Variants in SLFN11 observed in about 807,000 individuals in gnomAD.
SLFN11 encodes the protein schlafen family member 11.
In SLFN11, 43 loss-of-function variants were observed where a neutral mutation model predicts 53.4. The observed-to-expected ratio is 0.80, with a 90% CI of 0.63 to 1.04. SLFN11 has a LOEUF of 1.04. SLFN11 is among the 50% of genes least tolerant of loss of function. SLFN11 has a pLI of 0.00. For synonymous variants in SLFN11, 389 were observed against 394.7 expected (o/e 0.99, Z 0.17); for missense variants, 990 against 1,079.1 (o/e 0.92, Z 1.16).
Position 35,352,513 on chromosome 17 carries a change from A to G in SLFN11, c.2549T>C (p.Val850Ala). 1 of 1,614,192 alleles carries G rather than the reference A, an allele frequency of 6.2e-7. No homozygotes were observed. Among genetic ancestry groups the G allele is most frequent in the Non-Finnish European group, 8.5e-7 (1 of 1,180,042 alleles). The change falls in exon 7 of 7, where the codon GTG becomes GCG. Residue 850 changes from valine (V) to alanine (A), a missense_variant. By Grantham distance (64) the Val-to-Ala change is moderately conservative. Transcript: ENST00000685675. The part of the protein sequence containing the change: ...DACDMLGDHI[V>A]LDSVRRFSGL... Reference sequence around the variant, plus strand: ...TGAGAATCGCCGAACACTGTCCAACACAATGTGATCACCCAACATATCACA... The same window carrying G: ...TGAGAATCGCCGAACACTGTCCAACGCAATGTGATCACCCAACATATCACA...
chr17:35,353,067 G>T lies in SLFN11; in HGVS notation c.1995C>A (p.Ile665=), dbSNP rs776716390. The change falls in exon 7 of 7, where the codon ATC becomes ATA. Residue 665 remains isoleucine (I), a synonymous_variant. Coordinates refer to ENST00000685675, the MANE Select transcript of SLFN11 (RefSeq NM_001376007.1). ...GGAAATTCTGAGCTTCGTCAATGAC[G>T]ATGTGTTGAATGTGTTCAAAGTTTT... is the stretch of plus-strand genomic sequence containing the variant. ...LRENFEHIQH[I]VIDEAQNFRT... 2 of 1,614,042 alleles carry T rather than the reference G, an allele frequency of 1.2e-6. No individual in the cohort carries two copies. Among genetic ancestry groups the T allele is most frequent in the Non-Finnish European group, 1.7e-6 (2 of 1,180,050 alleles).
At chr17:35,369,989 G>A (rs1909447228) in intron 1 of SLFN11, among the ~76,000 whole-genome samples, 1 of 152,016 alleles carries the variant, frequency 6.6e-6, no homozygotes, top group Admixed American at 6.5e-5. Flanking sequence ...TAGAGAAGGA[G>A]GGAATACTTA....
At position 35,364,682 on chromosome 17, in the gene SLFN11, ACT is replaced by A. The variant is rs756769621; in HGVS notation, c.-19-858_-19-857del. On this transcript the variant is annotated intron_variant, in intron 3 of 6. Coordinates refer to ENST00000685675, the MANE Select transcript of SLFN11 (RefSeq NM_001376007.1). ...TTAACCTAGATATTTAATCTTTCTAACTCTGTTTTCTTACCTATAAAACATGG... is the reference window on the plus strand; with the variant it reads ...TTAACCTAGATATTTAATCTTTCTAACTGTTTTCTTACCTATAAAACATGG... 9.9e-5 allele frequency among the ~76,000 whole-genome samples: 15 copies of A among 152,084 alleles called. No individual in the cohort carries two copies. In the South Asian group the frequency reaches 1.2e-3, roughly 13 times the overall value.
rs1906802647 is a variant in SLFN11 at position 35,352,431 on chromosome 17, G to C, written c.2631C>G (p.Ile877Met). Residue 877 changes from isoleucine to methionine, a missense_variant, in exon 7 of 7, where the codon ATC becomes ATG. This residue lies in a region of SLFN11 where 313 missense variants were observed against 320.9 expected (regional missense o/e 0.98). Transcript: ENST00000685675. ...GIHPRTADPAILPNVLICLAS... is the reference protein window; with the variant it reads ...GIHPRTADPAMLPNVLICLAS... ...CCAGACAGATCAGAACATTGGGTAA[G>C]ATAGCTGGGTCAGCTGTCCTTGGAT... 6.2e-7 allele frequency: 1 copy of C among 1,614,240 alleles called. No homozygotes were observed. The highest frequency in any genetic ancestry group is 8.5e-7 in the Non-Finnish European group (1 of 1,180,048).
At chr17:35,360,650 C>G (rs1426634032) in intron 4 of SLFN11, among the ~76,000 whole-genome samples, 1 of 152,094 alleles carries the variant, frequency 6.6e-6, no homozygotes, top group Non-Finnish European at 1.5e-5. Context: ...TGTTTGCACA[C>G]CTGTTACGTT....
rs1014344087 is a variant in SLFN11, at chr17:35,353,316, C to T, written c.1922+20G>A. 4.2e-5 allele frequency: 67 copies of T among 1,613,754 alleles called. No individual in the cohort carries two copies. Among genetic ancestry groups the T allele is most frequent in the Non-Finnish European group, 5.2e-5 (61 of 1,179,940 alleles). On this transcript the variant is annotated intron_variant, in intron 6 of 6. Coordinates refer to ENST00000685675, the MANE Select transcript of SLFN11 (RefSeq NM_001376007.1). ...ACCCAGATTAAATAATACTTAGAGA[C>T]GTAAGATCCAACTGCTTACCTGATA...
intron 1 of SLFN11, among the ~76,000 whole-genome samples, chr17:35,371,386 T>C (rs1302621852): frequency 6.6e-6 from 1 of 152,026 alleles, no homozygotes; most frequent in African/African-American, 2.4e-5. Context: ...AAACATTGGG[T>C]AAGATCTCCA....
chr17:35,353,998 G>C lies in SLFN11; in HGVS notation c.1260C>G (p.His420Gln), dbSNP rs1907138171. The C allele has an allele frequency of 1.2e-6, 2 of 1,613,832 alleles. No individual in the cohort carries two copies. Among genetic ancestry groups the C allele is most frequent in the Non-Finnish European group, 1.7e-6 (2 of 1,179,974 alleles). Residue 420 changes from histidine to glutamine, a missense_variant, in exon 6 of 7, where the codon CAC (histidine) becomes CAG (glutamine). His to Gln is a conservative substitution (Grantham distance 24). Coordinates refer to ENST00000685675, the MANE Select transcript of SLFN11 (RefSeq NM_001376007.1). ...ESLWRDLISE[H>Q]RGLEELINKQ... is the part of the protein sequence containing the mutation. ...TATTTATTAACTCCTCTAGTCCTCT[G>C]TGCTCTGAGATCAGGTCCCTCCAGA...
At position 35,353,057 on chromosome 17, in the gene SLFN11, C is replaced by T. The variant is rs1321441845; in HGVS notation, c.2005G>A (p.Glu669Lys). The change falls in exon 7 of 7, where the codon GAA (glutamate) becomes AAA (lysine). Residue 669 changes from glutamate to lysine, a missense_variant. Around this residue, in one of 3 missense-constraint regions of SLFN11, gnomAD observed 313 missense variants for 320.9 expected, o/e 0.98. Transcript: ENST00000685675. ...FEHIQHIVID[E>K]AQNFRTEDGD... is the part of the protein sequence containing the mutation. ...TCTTCAGTACGGAAATTCTGAGCTT[C>T]GTCAATGACGATGTGTTGAATGTGT... The T allele has an allele frequency of 5.0e-6, 8 of 1,614,138 alleles. No individual in the cohort carries two copies. The highest frequency in any genetic ancestry group is 3.3e-5 in the Admixed American group (2 of 60,016).
Position 35,362,994 on chromosome 17 carries a change from T to G in SLFN11, c.814A>C (p.Arg272=). 6.2e-7 allele frequency: 1 copy of G among 1,614,056 alleles called. No homozygotes were observed. Among genetic ancestry groups the G allele is most frequent in the Non-Finnish European group, 8.5e-7 (1 of 1,179,986 alleles). The change falls in exon 4 of 7, where the codon AGG becomes CGG. Residue 272 remains arginine (R), a synonymous_variant. Coordinates refer to ENST00000685675, the MANE Select transcript of SLFN11 (RefSeq NM_001376007.1). ...TTGTATATGGCTTGTTCTATTTTCC[T>G]TCTCAAAGAGTCAGGGTCAACATTT... The part of the protein sequence containing the change: ...KENVDPDSLR[R]KIEQAIYKLP...
chr17:35,363,110 T>C lies in SLFN11; in HGVS notation c.698A>G (p.Glu233Gly). 3 of 1,613,860 alleles carry C rather than the reference T, an allele frequency of 1.9e-6. No individual in the cohort carries two copies. Among genetic ancestry groups the C allele is most frequent in the Non-Finnish European group, 2.5e-6 (3 of 1,179,926 alleles). Residue 233 changes from glutamate to glycine, a missense_variant, in exon 4 of 7, where the codon GAA becomes GGA. Glu to Gly is a moderately conservative substitution (Grantham distance 98). Transcript: ENST00000685675. ...AGTGTTTGCAAATGCAGGGACGTAT[T>C]CTGGAATTGTCCTTTTTACATATTC... The part of the protein sequence containing the change: ...FQEYVKRTIP[E>G]YVPAFANTGG...
rs1235367316 is a variant in SLFN11, at chr17:35,353,076, A to T, written c.1986T>A (p.Ile662=). The change falls in exon 7 of 7, where the codon ATT becomes ATA. Residue 662 remains isoleucine (I), a synonymous_variant. Transcript: ENST00000685675. ...GAGCTTCGTCAATGACGATGTGTTG[A>T]ATGTGTTCAAAGTTTTCTCTTAGGA... ...KTFLRENFEH[I]QHIVIDEAQN... 6.2e-7 allele frequency: 1 copy of T among 1,614,168 alleles called. No homozygotes were observed. Among genetic ancestry groups the T allele is most frequent in the Non-Finnish European group, 8.5e-7 (1 of 1,180,018 alleles).
chr17:35,357,311 C>A (rs1387373274), intron 5 of SLFN11, among the ~76,000 whole-genome samples: 1 of 151,910 alleles, frequency 6.6e-6, no homozygotes, highest in African/African-American at 2.4e-5. Context: ...TACTCATGCA[C>A]AATACTTGTT....
At chr17:35,362,633 C>T (rs935388260) in intron 4 of SLFN11, 106 bp downstream of exon 4, 2 of 814,400 alleles carry the variant, frequency 2.5e-6, no homozygotes, top group Non-Finnish European at 3.6e-6. Context: ...ATAAAGTGTT[C>T]AGTGGATGTA....
Position 35,352,895 on chromosome 17 carries a change from G to A in SLFN11, c.2167C>T (p.Pro723Ser), listed in dbSNP as rs775871508. ...SGLPPLSDQY[P>S]REELTRIVRN... ...ACTATTCTGGTGAGCTCTTCTCTTGGATATTGGTCTGAGAGAGGAGGGAGG... is the reference window on the plus strand; with the variant it reads ...ACTATTCTGGTGAGCTCTTCTCTTGAATATTGGTCTGAGAGAGGAGGGAGG... Residue 723 changes from proline to serine, a missense_variant, in exon 7 of 7, where the codon CCA (proline) becomes TCA (serine). Transcript: ENST00000685675. 6 of 1,614,142 alleles carry A rather than the reference G, an allele frequency of 3.7e-6. No homozygotes were observed. The highest frequency in any genetic ancestry group is 2.7e-5 in the African/African-American group (2 of 75,028).
In SLFN11 at chr17:35,373,609, C is replaced by T. The variant is rs1331795376; in HGVS notation, c.-370G>A. On this transcript the variant is annotated 5_prime_UTR_variant, in exon 1 of 7. Coordinates refer to ENST00000685675, the MANE Select transcript of SLFN11 (RefSeq NM_001376007.1). ...CTCAAGCTCCAGCGCTTCCGAAGCC[C>T]CCTTAGCGTTTCCCTGGAGGCGCCC... is the stretch of plus-strand genomic sequence containing the variant. 2.0e-5 allele frequency: 3 copies of T among 152,020 alleles called. No homozygotes were observed. The highest frequency in any genetic ancestry group is 7.2e-5 in the African/African-American group (3 of 41,382). 9.4% of individuals were successfully genotyped at this position (152,020 alleles called of 1,614,324 possible). A position where few individuals can be genotyped will look rare whatever the true frequency, so the allele number is the denominator to read the frequency against.
intron 1 of SLFN11, among the ~76,000 whole-genome samples, chr17:35,369,952 T>A (rs1269200451): frequency 6.6e-6 from 1 of 151,924 alleles, no homozygotes; most frequent in Non-Finnish European, 1.5e-5. Flanking sequence ...AGAACTAATA[T>A]CAATCTTACC....
chr17:35,364,189 A>C (rs544796451), intron 3 of SLFN11, among the ~76,000 whole-genome samples: 1 of 152,284 alleles, frequency 6.6e-6, no homozygotes, highest in South Asian at 2.1e-4. Flanking sequence ...CATGAAGGGC[A>C]TGTGTACAAT....
chr17:35,362,861 C>T lies in SLFN11; in HGVS notation c.947G>A (p.Arg316Lys). The part of the protein sequence containing the change: ...GELYGYACMI[R>K]VNPFCCAVFS... Reference sequence around the variant, plus strand: ...CACTGCACAGCAGAAGGGATTTACTCTGATCATGCAAGCATAGCCATAGAG... The same window carrying T: ...CACTGCACAGCAGAAGGGATTTACTTTGATCATGCAAGCATAGCCATAGAG... Residue 316 changes from arginine to lysine, a missense_variant, in exon 4 of 7, where the codon AGA (arginine) becomes AAA (lysine). Arg to Lys is a conservative substitution (Grantham distance 26). Coordinates refer to ENST00000685675, the MANE Select transcript of SLFN11 (RefSeq NM_001376007.1). 2 of 1,613,986 alleles carry T rather than the reference C, an allele frequency of 1.2e-6. No individual in the cohort carries two copies. The highest frequency in any genetic ancestry group is 1.1e-5 in the South Asian group (1 of 91,068).
Sources: gnomAD v4.1 joint callset for allele counts (sites outside exome capture counted in the v4.1 genomes callset) on GRCh38, gnomAD v4.1.1 for gene constraint, gnomAD v4.1.1 regional missense constraint, MANE v1.5 for transcripts, NCBI Gene and HGNC (gene_info 2026-07-23, HGNC 2026-07-21) for gene names.